Variants in NRK observed in about 807,000 individuals in gnomAD.
NRK encodes the protein nik-related protein kinase.
A neutral mutation model predicts 125.2 loss-of-function variants in NRK; 67 were observed. The observed-to-expected ratio is 0.54, with a 90% CI of 0.44 to 0.66. The LOEUF (loss-of-function observed/expected upper bound fraction) is 0.66. Among genes scored for constraint, NRK ranks in the 30% least tolerant of loss-of-function variants. The probability of loss-of-function intolerance (pLI) is 0.00; values close to 1 mark genes in which losing one functional copy is unlikely to be tolerated. For synonymous variants in NRK, 458 were observed against 429.0 expected (o/e 1.07, Z -0.84); for missense variants, 1,224 against 1,192.9 (o/e 1.03, Z -0.38).
intron 24 of NRK, among the ~76,000 whole-genome samples, 188 bp from the exon 25 acceptor site, chrX:105,945,684 G>A (rs1342510568): frequency 8.9e-6 from 1 of 111,744 alleles, no homozygotes. Flanking sequence ...AGTCCTCACT[G>A]CAGTTCTTGA....
chrX:105,897,009 A>G (rs1175954753), intron 7 of NRK, among the ~76,000 whole-genome samples: 1 of 112,588 alleles, frequency 8.9e-6, no homozygotes, highest in Non-Finnish European at 1.9e-5. Context: ...CAACGCAAAC[A>G]TTTACAGCAC....
At chrX:105,913,766 A>G (rs1297450733) in intron 14 of NRK, among the ~76,000 whole-genome samples, 1 of 111,405 alleles carries the variant, frequency 9.0e-6, no homozygotes, top group Non-Finnish European at 1.9e-5. Flanking sequence ...TGTAACACAA[A>G]CACAAATATT....
At chrX:105,881,530 C>G (rs1303090549) in intron 3 of NRK, among the ~76,000 whole-genome samples, 178 bp from the exon 4 acceptor site, 1 of 111,749 alleles carries the variant, frequency 8.9e-6, no homozygotes, top group Non-Finnish European at 1.9e-5. Flanking sequence ...AATTTGTTGC[C>G]AAATTTCTGT....
intron 5 of NRK, among the ~76,000 whole-genome samples, chrX:105,892,862 T>C (rs766629828): frequency 8.9e-6 from 1 of 111,797 alleles, no homozygotes; most frequent in South Asian, 3.7e-4. Context: ...AAGGTAGACT[T>C]TTTGAATAGT....
chrX:105,851,036 G>T (rs1279190753), intron 2 of NRK, among the ~76,000 whole-genome samples: 1 of 112,215 alleles, frequency 8.9e-6, no homozygotes, highest in Non-Finnish European at 1.9e-5. Context: ...AGACTGGGAA[G>T]AAAAAGAGGT....
chrX:105,939,750 T>A (rs1225701132), intron 22 of NRK, 124 bp from the exon 23 acceptor site: 2 of 424,429 alleles, frequency 4.7e-6, no homozygotes, highest in Non-Finnish European at 7.9e-6. Context: ...AATGCAGTTT[T>A]TTTTAAGGTG....
At chrX:105,904,177 G>A (rs1385663309) in intron 9 of NRK, among the ~76,000 whole-genome samples, 1 of 111,738 alleles carries the variant, frequency 8.9e-6, no homozygotes, top group Non-Finnish European at 1.9e-5. Context: ...TTACAAGAAT[G>A]ACACACTTGT....
At chrX:105,896,676 C>CA (rs1253173021) in intron 7 of NRK, among the ~76,000 whole-genome samples, 50 of 105,026 alleles carry the variant, frequency 4.8e-4, no homozygotes, top group East Asian at 2.7e-3. Flanking sequence ...CCTATCTCTA[C>CA]AAAAAAAAAA....
intron 26 of NRK, 72 bp from the exon 27 acceptor site, chrX:105,949,503 G>A: frequency 1.2e-6 from 1 of 863,298 alleles, no homozygotes. Context: ...TTATTGCTCT[G>A]CCAAGCTGCT....
At chrX:105,916,500 A>C (rs2040367788) in intron 15 of NRK, among the ~76,000 whole-genome samples, 1 of 111,526 alleles carries the variant, frequency 9.0e-6, no homozygotes, top group African/African-American at 3.2e-5. Context: ...TATTTATTGA[A>C]CACTCACTAT....
chrX:105,876,871 C>A (rs1186117689), intron 2 of NRK, among the ~76,000 whole-genome samples: 1 of 111,598 alleles, frequency 9.0e-6, no homozygotes, highest in Non-Finnish European at 1.9e-5. Flanking sequence ...GATGGCACCA[C>A]TGAACAATTA....
intron 1 of NRK, among the ~76,000 whole-genome samples, chrX:105,826,147 T>TCA (rs2039092567): frequency 1.1e-5 from 1 of 92,241 alleles, no homozygotes; most frequent in Non-Finnish European, 2.1e-5. Context: ...ATATATATGA[T>TCA]TATATATATA....
chrX:105,914,384 A>G (rs755124262), intron 14 of NRK, among the ~76,000 whole-genome samples: 2 of 111,235 alleles, frequency 1.8e-5, no homozygotes, highest in Non-Finnish European at 1.9e-5. Flanking sequence ...ACAGGTAATA[A>G]TTATTACCTT....
intron 2 of NRK, among the ~76,000 whole-genome samples, chrX:105,835,566 T>C (rs1421676114): frequency 6.4e-5 from 7 of 110,103 alleles, no homozygotes; most frequent in Non-Finnish European, 1.1e-4. Flanking sequence ...CTTCTAGTGG[T>C]AGGATACTTC....
chrX:105,871,116 G>C (rs1466505997), intron 2 of NRK, among the ~76,000 whole-genome samples: 1 of 111,662 alleles, frequency 9.0e-6, no homozygotes, highest in Non-Finnish European at 1.9e-5. Flanking sequence ...CCACAGGTTA[G>C]GGGAAGCATG....
chrX:105,843,425 A>G (rs936001645), intron 2 of NRK, among the ~76,000 whole-genome samples: 1 of 112,045 alleles, frequency 8.9e-6, no homozygotes, highest in Non-Finnish European at 1.9e-5. Context: ...CTCTCTGCAG[A>G]TGTGCCTTGA....
At chrX:105,885,023 T>C (rs2039926034) in intron 4 of NRK, among the ~76,000 whole-genome samples, 1 of 111,821 alleles carries the variant, frequency 8.9e-6, no homozygotes. Context: ...ACTCCTGACC[T>C]CAAGTGATCC....
At position 105,908,899 on chromosome X, in the gene NRK, C is replaced by T; in HGVS notation, c.1258C>T (p.Gln420Ter). 1 of 1,210,795 alleles carries T rather than the reference C, an allele frequency of 8.3e-7. No individual in the cohort carries two copies. The highest frequency in any genetic ancestry group is 1.1e-6 in the Non-Finnish European group (1 of 894,728). Residue 420 changes from glutamine to a stop codon, truncating the protein, a stop_gained, in exon 13 of 29, where the codon CAG becomes TAG. Transcript: ENST00000243300. LOFTEE classifies it high-confidence loss of function. ...QGAARVFMPL[Q>*]ALDSAPKPLK... ...AGCAGCCAGGGTATTCATGCCACTG[C>T]AGGCTCTGGACAGTGCACCTAAGCC...
Position 105,909,543 on chromosome X carries a change from C to T in NRK, c.1902C>T (p.Gly634=). 1.7e-6 allele frequency: 2 copies of T among 1,209,581 alleles called. No homozygotes were observed. The highest frequency in any genetic ancestry group is 3.0e-5 in the East Asian group (1 of 33,678). ...AWTLEPPQAI[G]SVQALIEGLS... ...CACTAGAACCCCCACAGGCAATTGG[C>T]TCAGTTCAAGCACTGATAGAGGGAC... is the stretch of plus-strand genomic sequence containing the variant. Residue 634 remains glycine, a synonymous_variant, in exon 13 of 29, where the codon GGC becomes GGT. Coordinates refer to ENST00000243300, the MANE Select transcript of NRK (RefSeq NM_198465.4).
Sources: gnomAD v4.1 joint callset for allele counts (sites outside exome capture counted in the v4.1 genomes callset) on GRCh38, gnomAD v4.1.1 for gene constraint, MANE v1.5 for transcripts, NCBI Gene and HGNC (gene_info 2026-07-23, HGNC 2026-07-21) for gene names.